UGT1A6: variants seen among roughly 807,000 people sequenced by gnomAD.
UGT1A6 encodes the protein UDP-glucuronosyltransferase 1A6.
UGT1A6 carries 32 observed loss-of-function variants against 44.4 expected under a neutral mutation model. That is an observed-to-expected ratio of 0.72 (90% CI 0.54 to 0.97). The LOEUF (loss-of-function observed/expected upper bound fraction) is 0.97, where lower values mean the gene tolerates loss of function less well. UGT1A6 is among the 50% of genes least tolerant of loss of function. The pLI is 0.00. For synonymous variants in UGT1A6, 238 were observed against 248.5 expected (o/e 0.96, Z 0.40); for missense variants, 685 against 661.9 (o/e 1.03, Z -0.38).
Position 233,772,514 on chromosome 2 carries a change from GA to G in UGT1A6, c.1560del (p.Arg522GlufsTer22). ...CAYGYRKCLG[K>X]KGRVKKAHKS... ...CTTATGGCTACCGGAAATGCTTGGGGAAAAAAGGGCGAGTTAAGAAAGCCCA... is the reference window on the plus strand; with the variant it reads ...CTTATGGCTACCGGAAATGCTTGGGGAAAAAGGGCGAGTTAAGAAAGCCCA... On this transcript the variant is annotated frameshift_variant, in exon 5 of 5. Coordinates refer to ENST00000305139, the MANE Select transcript of UGT1A6 (RefSeq NM_001072.4). LOFTEE classifies it high-confidence loss of function. 6.2e-7 allele frequency: 1 copy of G among 1,614,126 alleles called. No individual in the cohort carries two copies. Among genetic ancestry groups the G allele is most frequent in the Non-Finnish European group, 8.5e-7 (1 of 1,180,014 alleles).
chr2:233,752,951 A>G (rs745809226), intron 1 of UGT1A6, among the ~76,000 whole-genome samples: 1 of 152,216 alleles, frequency 6.6e-6, no homozygotes, highest in Admixed American at 6.5e-5. Flanking sequence ...CCACTGAACA[A>G]TGGGATTTAT....
intron 1 of UGT1A6, among the ~76,000 whole-genome samples, chr2:233,734,963 T>C (rs1419315489): frequency 6.6e-6 from 1 of 152,234 alleles, no homozygotes; most frequent in Admixed American, 6.5e-5. Context: ...ATAAGTGTGA[T>C]GTGGTGCTGA....
Position 233,707,497 on chromosome 2 carries a change from A to G in UGT1A6, c.861+13632A>G, listed in dbSNP as rs149948213. Among the ~76,000 whole-genome samples, 324 of 148,662 alleles carry G rather than the reference A, an allele frequency of 2.2e-3. 2 individuals carry two copies. The highest frequency in any genetic ancestry group is 7.6e-3 in the African/African-American group (311 of 40,728). On this transcript the variant is annotated intron_variant, in intron 1 of 4. Coordinates refer to ENST00000305139, the MANE Select transcript of UGT1A6 (RefSeq NM_001072.4). ...TACAGATGATTTTACCTGTTTCGGT[A>G]CTTAACATAAATAGAATTTTACTGT...
At chr2:233,711,815 G>A (rs1445838200) in intron 1 of UGT1A6, among the ~76,000 whole-genome samples, 1 of 152,182 alleles carries the variant, frequency 6.6e-6, no homozygotes, top group East Asian at 1.9e-4. Flanking sequence ...ATCATCCTGG[G>A]GCGACCAGGA....
chr2:233,762,557 A>G (rs1283920878), intron 1 of UGT1A6, among the ~76,000 whole-genome samples: 3 of 152,170 alleles, frequency 2.0e-5, no homozygotes. Flanking sequence ...TCTGCTGGAG[A>G]TCTAGTCTAG....
Position 233,693,995 on chromosome 2 carries a change from G to A in UGT1A6, c.861+130G>A, listed in dbSNP as rs7592281. ...GAAACGGTGGGGGGAAGTGATACCCGGCTCGGAGCAGCGGGAACACATAGG... is the reference window on the plus strand; with the variant it reads ...GAAACGGTGGGGGGAAGTGATACCCAGCTCGGAGCAGCGGGAACACATAGG... On this transcript the variant is annotated intron_variant, in intron 1 of 4. Transcript: ENST00000305139. 1.4e-4 allele frequency: 214 copies of A among 1,516,840 alleles called. 1 individual carries two copies. The highest frequency in any genetic ancestry group is 1.8e-4 in the Non-Finnish European group (199 of 1,126,318). The allele number at this position is 1,516,840 out of a possible 1,614,324, so 94.0% of individuals were successfully genotyped here.
intron 1 of UGT1A6, among the ~76,000 whole-genome samples, chr2:233,759,570 T>G (rs2125974184): frequency 6.6e-6 from 1 of 152,070 alleles, no homozygotes; most frequent in African/African-American, 2.4e-5. Flanking sequence ...TTCTGGTCAT[T>G]CTCTACCCCA....
intron 1 of UGT1A6, among the ~76,000 whole-genome samples, chr2:233,738,281 T>C (rs1690748430): frequency 6.6e-6 from 1 of 152,228 alleles, no homozygotes; most frequent in Non-Finnish European, 1.5e-5. Context: ...CCTTTATAAA[T>C]TACCCAGTCT....
At chr2:233,703,885 A>AT (rs2075756699) in intron 1 of UGT1A6, among the ~76,000 whole-genome samples, 1 of 150,626 alleles carries the variant, frequency 6.6e-6, no homozygotes, top group Non-Finnish European at 1.5e-5. Context: ...GTCTACCATC[A>AT]TTTTTTTCTT....
rs761516231 is a variant in UGT1A6, at chr2:233,693,158, C to T, written c.154C>T (p.Arg52Trp). 27 of 1,614,000 alleles carry T rather than the reference C, an allele frequency of 1.7e-5. No individual in the cohort carries two copies. Among genetic ancestry groups the T allele is most frequent in the East Asian group, 1.1e-4 (5 of 44,886 alleles). ...MKDIVEVLSD[R>W]GHEIVVVVPE... ...GGATATAGTTGAGGTTCTCAGTGAC[C>T]GGGGTCATGAGATTGTAGTGGTGGT... is the stretch of plus-strand genomic sequence containing the variant. The change falls in exon 1 of 5, where the codon CGG becomes TGG. Residue 52 changes from arginine to tryptophan, a missense_variant. Arg to Trp is a moderately radical substitution (Grantham distance 101). Coordinates refer to ENST00000305139, the MANE Select transcript of UGT1A6 (RefSeq NM_001072.4).
chr2:233,760,258 G>C (rs1164776908), intron 1 of UGT1A6: 2 of 1,611,088 alleles, frequency 1.2e-6, no homozygotes, highest in Non-Finnish European at 1.7e-6. Context: ...AAGTAGGAGA[G>C]GGCGAACCTC....
At position 233,772,732 on chromosome 2, in the gene UGT1A6, A is replaced by G. The variant is rs1259415832; in HGVS notation, c.*173A>G. On this transcript the variant is annotated 3_prime_UTR_variant, in exon 5 of 5. Transcript: ENST00000305139. ...CTTAAATAAAAATAATAGACTCGCT[A>G]GTCAGTAAAGATATTTGAATATGTA... 4.9e-6 allele frequency: 7 copies of G among 1,442,298 alleles called. No homozygotes were observed. Among genetic ancestry groups the G allele is most frequent in the Non-Finnish European group, 6.4e-6 (7 of 1,099,406 alleles). The allele number at this position is 1,442,298 out of a possible 1,614,324, so 89.3% of individuals were successfully genotyped here.
At chr2:233,720,032 C>T (rs1386441803) in intron 1 of UGT1A6, among the ~76,000 whole-genome samples, 2 of 152,104 alleles carry the variant, frequency 1.3e-5, no homozygotes, top group Middle Eastern at 3.2e-3. Context: ...TTTTGCTTGC[C>T]TGATTTTCAG....
intron 1 of UGT1A6, among the ~76,000 whole-genome samples, chr2:233,746,863 G>A (rs1360451687): frequency 6.6e-6 from 1 of 151,770 alleles, no homozygotes; most frequent in Non-Finnish European, 1.5e-5. Flanking sequence ...GCTGCAGCCT[G>A]ATAAACGTGG....
In UGT1A6 at chr2:233,719,204, T is replaced by C. The variant is rs147848546; in HGVS notation, c.861+25339T>C. 63 of 1,614,240 alleles carry C rather than the reference T, an allele frequency of 3.9e-5. No homozygotes were observed. The African/African-American group carries it at 7.3e-4, about 19-fold the overall frequency. ...TATCTTTGGCCCTTCATAGGTGTTG[T>C]GTGGAGCTACTGCATAATGAGGCCC... is the stretch of plus-strand genomic sequence containing the variant. On this transcript the variant is annotated intron_variant, in intron 1 of 4. Transcript: ENST00000305139.
chr2:233,729,944 T>C, intron 1 of UGT1A6: 6 of 1,614,066 alleles, frequency 3.7e-6, no homozygotes, highest in Non-Finnish European at 5.1e-6. Flanking sequence ...ATGCCCAACA[T>C]GGTCTTCATT....
rs34681509 is a variant in UGT1A6 at position 233,762,717 on chromosome 2, GT to G, written c.862-4305del. On this transcript the variant is annotated intron_variant, in intron 1 of 4. Transcript: ENST00000305139. ...CATCTTTTCTTAAGTATTTTACACGGTTTTTTTTTTTTGGTCACTACTGTGA... is the reference window on the plus strand; with the variant it reads ...CATCTTTTCTTAAGTATTTTACACGGTTTTTTTTTTTGGTCACTACTGTGA... Among the ~76,000 whole-genome samples the G allele has an allele frequency of 9.0e-3, 1,271 of 141,024 alleles. 11 individuals carry two copies. The highest frequency in any genetic ancestry group is 0.017 in the Admixed American group (234 of 14,104). The allele number at this position is 141,024 out of a possible 152,430, so 92.5% of individuals were successfully genotyped here.
chr2:233,764,353 C>G (rs556692571), intron 1 of UGT1A6, among the ~76,000 whole-genome samples: 23 of 152,240 alleles, frequency 1.5e-4, no homozygotes, highest in Non-Finnish European at 2.8e-4. Flanking sequence ...CTTTATTGAG[C>G]CTCATAGTAG....
At chr2:233,724,531 C>T (rs557040072) in intron 1 of UGT1A6, among the ~76,000 whole-genome samples, 5 of 121,606 alleles carry the variant, frequency 4.1e-5, no homozygotes, top group Admixed American at 8.0e-5. Context: ...GGGGTCTCGC[C>T]GGGCAGAGGC....
Sources: allele counts gnomAD v4.1 joint callset (sites outside exome capture counted in the v4.1 genomes callset), GRCh38; gene constraint gnomAD v4.1.1; transcripts MANE v1.5; gene names NCBI Gene and HGNC (gene_info 2026-07-23, HGNC 2026-07-21).